The following MTUS1 variants were observed in gnomAD, a reference collection of about 807,000 sequenced individuals.
The protein encoded by MTUS1 is microtubule-associated tumor suppressor 1.
MTUS1 carries 109 observed loss-of-function variants against 120.8 expected under a neutral mutation model. The observed-to-expected ratio is 0.90, with a 90% confidence interval of 0.77 to 1.06. The LOEUF (loss-of-function observed/expected upper bound fraction) is 1.06, where lower values mean the gene tolerates loss of function less well. MTUS1 is among the 50% of genes least tolerant of loss of function. The pLI is 0.00. For missense variants in MTUS1, 2,210 were observed against 1,486.3 expected (o/e 1.49, Z -8.01); for synonymous variants, 737 against 550.5 (o/e 1.34, Z -4.74).
rs1190136092 is a variant in MTUS1, at chr8:17,755,114, G to C, written c.694C>G (p.Gln232Glu). Residue 232 changes from glutamine (Q) to glutamate (E), a missense_variant, in exon 2 of 15, where the codon CAA becomes GAA. By Grantham distance (29) the Gln-to-Glu change is conservative (BLOSUM62 2). Coordinates refer to ENST00000693296, the MANE Select transcript of MTUS1 (RefSeq NM_001363059.2). ...TCTTGGGCTTCTGATGGTGTGACTT[G>C]AGGGTTTTCAAAGCTTTCTCTATCA... ...TYDRESFENP[Q>E]VTPSEAQDMT... The C allele has an allele frequency of 1.2e-6, 2 of 1,613,888 alleles. No homozygotes were observed. The highest frequency in any genetic ancestry group is 3.3e-5 in the Admixed American group (2 of 60,004).
intron 6 of MTUS1, among the ~76,000 whole-genome samples, chr8:17,685,529 G>A (rs6586629): frequency 0.6 from 90,483 of 151,798 alleles, 27,022 homozygotes; most frequent in East Asian, 0.72. Flanking sequence ...CAGCATCCAC[G>A]TTCTGTGGTA....
At chr8:17,773,293 G>A (rs1220572466) in intron 1 of MTUS1, among the ~76,000 whole-genome samples, 4 of 152,140 alleles carry the variant, frequency 2.6e-5, no homozygotes, top group African/African-American at 7.2e-5. Flanking sequence ...GCAGGAGCAG[G>A]GGAAGAGTCT....
rs902334906 is a variant in MTUS1 at position 17,714,103 on chromosome 8, A to G, written c.2585-851T>C. Among the ~76,000 whole-genome samples the G allele has an allele frequency of 2.9e-4, 44 of 152,116 alleles. 1 individual carries two copies. Among genetic ancestry groups the G allele is most frequent in the Non-Finnish European group, 1.9e-4 (13 of 68,020 alleles). On this transcript the variant is annotated intron_variant, in intron 5 of 14. Coordinates refer to ENST00000693296, the MANE Select transcript of MTUS1 (RefSeq NM_001363059.2). ...GGATCATGGGGCTTTATCATCATCA[A>G]TAAAAAACCACAGTTTTCCAACCTG...
chr8:17,747,798 A>G (rs1563313672), intron 2 of MTUS1, among the ~76,000 whole-genome samples: 1 of 152,120 alleles, frequency 6.6e-6, no homozygotes, highest in Non-Finnish European at 1.5e-5. Flanking sequence ...CTTACAAAAG[A>G]AAGAGGTTTA....
At chr8:17,764,976 A>T (rs1488465157) in intron 1 of MTUS1, among the ~76,000 whole-genome samples, 1 of 152,082 alleles carries the variant, frequency 6.6e-6, no homozygotes, top group African/African-American at 2.4e-5. Flanking sequence ...TAATTATATA[A>T]CTCATCATAA....
intron 8 of MTUS1, among the ~76,000 whole-genome samples, chr8:17,663,557 G>C (rs1203949125): frequency 6.6e-6 from 1 of 151,984 alleles, no homozygotes; most frequent in African/African-American, 2.4e-5. Flanking sequence ...CATCACTTGA[G>C]CAAATTACTT....
intron 1 of MTUS1, among the ~76,000 whole-genome samples, chr8:17,757,230 T>C (rs542013493): frequency 3.4e-4 from 52 of 152,292 alleles, no homozygotes; most frequent in African/African-American, 1.3e-3. Context: ...AGGAATGCAA[T>C]ATTGACACAT....
chr8:17,739,746 A>G (rs1405069049), intron 3 of MTUS1, among the ~76,000 whole-genome samples: 2 of 152,116 alleles, frequency 1.3e-5, no homozygotes, highest in East Asian at 3.9e-4. Context: ...AATTACTAAA[A>G]CTGAGCCTGG....
At chr8:17,780,841 C>G (rs756470352) in intron 1 of MTUS1, 1 of 152,110 alleles carries the variant, frequency 6.6e-6, no homozygotes, top group Admixed American at 6.6e-5. Flanking sequence ...AAAAAGGGAC[C>G]CAGTGACCTA....
intron 1 of MTUS1, among the ~76,000 whole-genome samples, chr8:17,767,707 A>AAAAAAAAAAAAAAAAAACAAACAAAC (rs1554533231): frequency 2.8e-5 from 4 of 144,444 alleles, no homozygotes; most frequent in African/African-American, 1.1e-4. Flanking sequence ...TCTTAAAAAA[A>AAAAAAAAAAAAAAAAAACAAACAAAC]AAAAAAAAAA....
rs1205718810 is a variant in MTUS1 at position 17,742,276 on chromosome 8, TTTTTTGTTGTTGTTG to T, written c.2287+1313_2287+1327del. On this transcript the variant is annotated intron_variant, in intron 3 of 14. Coordinates refer to ENST00000693296, the MANE Select transcript of MTUS1 (RefSeq NM_001363059.2). Reference sequence around the variant, plus strand: ...ATGCTCTCATGCCCAGCTGTTTTTTTTTTTTGTTGTTGTTGTTTTTTTTTTTTTTTTTTTTAGAGA... The same window carrying T: ...ATGCTCTCATGCCCAGCTGTTTTTTTTTTTTTTTTTTTTTTTTTTTAGAGA... 3.2e-4 allele frequency among the ~76,000 whole-genome samples: 39 copies of T among 122,782 alleles called. 3 individuals carry two copies. Among genetic ancestry groups the T allele is most frequent in the African/African-American group, 9.6e-4 (28 of 29,078 alleles). The allele number at this position is 122,782 out of a possible 152,430, so 80.5% of individuals were successfully genotyped here. A position where few individuals can be genotyped will look rare whatever the true frequency, so the allele number is the denominator to read the frequency against.
chr8:17,763,783 A>G (rs994193602), intron 1 of MTUS1, among the ~76,000 whole-genome samples: 1 of 152,154 alleles, frequency 6.6e-6, no homozygotes, highest in Non-Finnish European at 1.5e-5. Context: ...TTATGTTTCT[A>G]TGTGTTTTGC....
At chr8:17,747,754 C>T (rs966475773) in intron 2 of MTUS1, among the ~76,000 whole-genome samples, 17 of 152,068 alleles carry the variant, frequency 1.1e-4, no homozygotes, top group African/African-American at 1.7e-4. Flanking sequence ...TCCATTTTTA[C>T]GCTGCTTATA....
At chr8:17,659,634 G>A (rs895386981) in intron 8 of MTUS1, among the ~76,000 whole-genome samples, 2 of 152,116 alleles carry the variant, frequency 1.3e-5, no homozygotes, top group African/African-American at 2.4e-5. Context: ...GGAGGCAGAG[G>A]TTACAGTGAG....
At chr8:17,664,944 C>T (rs1810575341) in intron 8 of MTUS1, among the ~76,000 whole-genome samples, 1 of 152,170 alleles carries the variant, frequency 6.6e-6, no homozygotes, top group Non-Finnish European at 1.5e-5. Context: ...CCCAGACTAT[C>T]CCACAAATAG....
intron 2 of MTUS1, among the ~76,000 whole-genome samples, chr8:17,749,474 C>T (rs1286108705): frequency 2.6e-5 from 4 of 151,838 alleles, no homozygotes; most frequent in Non-Finnish European, 5.9e-5. Flanking sequence ...GCCTGGCCAA[C>T]ATGAGGAAAG....
At chr8:17,731,683 GAC>G (rs908029785) in intron 3 of MTUS1, among the ~76,000 whole-genome samples, 40 of 151,614 alleles carry the variant, frequency 2.6e-4, no homozygotes, top group African/African-American at 9.7e-4. Context: ...AAAATAAAAA[GAC>G]ATAAAAACAA....
At chr8:17,798,215 T>A (rs1478528062) in intron 1 of MTUS1, among the ~76,000 whole-genome samples, 1 of 152,198 alleles carries the variant, frequency 6.6e-6, no homozygotes, top group Non-Finnish European at 1.5e-5. Flanking sequence ...TTGTTCCTAA[T>A]AGTATATACC....
At chr8:17,689,918 C>G (rs1188696927) in intron 6 of MTUS1, among the ~76,000 whole-genome samples, 2 of 83,718 alleles carry the variant, frequency 2.4e-5, no homozygotes, top group Admixed American at 3.4e-4. Context: ...ATAAAAATTC[C>G]TGGGTGGGGG....
Sources: gnomAD v4.1 joint callset for allele counts (sites outside exome capture counted in the v4.1 genomes callset) on GRCh38, gnomAD v4.1.1 for gene constraint, MANE v1.5 for transcripts, NCBI Gene and HGNC (gene_info 2026-07-23, HGNC 2026-07-21) for gene names.